The following KCNT2 variants were observed in gnomAD, a reference collection of about 807,000 sequenced individuals.
KCNT2 encodes the protein potassium channel subfamily T member 2.
In KCNT2, 67 loss-of-function variants were observed where a neutral mutation model predicts 153.8. The observed-to-expected ratio is 0.44, with a 90% CI of 0.36 to 0.53. The LOEUF (loss-of-function observed/expected upper bound fraction) is 0.53. Among genes scored for constraint, KCNT2 ranks in the 20% least tolerant of loss-of-function variants. The probability of loss-of-function intolerance (pLI) is 0.00; values close to 1 mark genes in which losing one functional copy is unlikely to be tolerated. For synonymous variants in KCNT2, 500 were observed against 458.8 expected (o/e 1.09, Z -1.15); for missense variants, 975 against 1,354.8 (o/e 0.72, Z 4.40).
At chr1:196,358,573 CTT>C (rs1333374074) in intron 14 of KCNT2, among the ~76,000 whole-genome samples, 1 of 151,790 alleles carries the variant, frequency 6.6e-6, no homozygotes, top group Non-Finnish European at 1.5e-5. Context: ...TACTACTCTA[CTT>C]TTCAAATACA....
chr1:196,448,401 C>A (rs913163002), intron 8 of KCNT2, among the ~76,000 whole-genome samples: 6 of 151,344 alleles, frequency 4.0e-5, no homozygotes, highest in Admixed American at 6.6e-5. Flanking sequence ...ATTATTTTGC[C>A]TACATAATGA....
intron 26 of KCNT2, 35 bp from the exon 27 acceptor site, chr1:196,236,105 G>T: frequency 1.7e-6 from 2 of 1,147,282 alleles, no homozygotes; most frequent in Non-Finnish European, 2.6e-6. Context: ...TTGTTATACT[G>T]CTTATAGAAA....
chr1:196,606,600 C>T (rs888626061), intron 1 of KCNT2, among the ~76,000 whole-genome samples: 1 of 152,144 alleles, frequency 6.6e-6, no homozygotes, highest in Admixed American at 6.5e-5. Flanking sequence ...AATATTTCTG[C>T]AGCATCCTTA....
chr1:196,494,526 G>T (rs1240912683), intron 1 of KCNT2, among the ~76,000 whole-genome samples: 1 of 151,988 alleles, frequency 6.6e-6, no homozygotes, highest in Non-Finnish European at 1.5e-5. Flanking sequence ...AGCCTCTCCA[G>T]TAGCCGGGAC....
In KCNT2 at chr1:196,279,668, T is replaced by C. The variant is rs543309175; in HGVS notation, c.2910+1192A>G. 1.3e-5 allele frequency among the ~76,000 whole-genome samples: 2 copies of C among 151,924 alleles called. 1 individual carries two copies. Among genetic ancestry groups the C allele is most frequent in the South Asian group, 4.2e-4 (2 of 4,780 alleles). ...TGATCTTGAACTCCTGACCTTGTGATCTACCTGCCTAGGCCTCCCAAAGTG... is the reference window on the plus strand; with the variant it reads ...TGATCTTGAACTCCTGACCTTGTGACCTACCTGCCTAGGCCTCCCAAAGTG... On this transcript the variant is annotated intron_variant, in intron 25 of 27. Transcript: ENST00000294725.
At chr1:196,391,894 T>C (rs1189658831) in intron 13 of KCNT2, among the ~76,000 whole-genome samples, 1 of 151,292 alleles carries the variant, frequency 6.6e-6, no homozygotes, top group Non-Finnish European at 1.5e-5. Flanking sequence ...ATAAAAAACA[T>C]AAATGTGGTA....
At position 196,522,556 on chromosome 1, in the gene KCNT2, A is replaced by C. The variant is rs550483810; in HGVS notation, c.96-30215T>G. Among the ~76,000 whole-genome samples, 21 of 152,332 alleles carry C rather than the reference A, an allele frequency of 1.4e-4. No homozygotes were observed. The South Asian group carries it at 4.3e-3, about 32-fold the overall frequency. On this transcript the variant is annotated intron_variant, in intron 1 of 27. Coordinates refer to ENST00000294725, the MANE Select transcript of KCNT2 (RefSeq NM_198503.5). ...CATACTCCTTAGTTTGCAATTGAGA[A>C]AAATAAGCTACTCATACTAGTGAGA...
In KCNT2 at chr1:196,478,664, T is replaced by C. The variant is rs568161577; in HGVS notation, c.384+515A>G. Among the ~76,000 whole-genome samples the C allele has an allele frequency of 2.0e-5, 3 of 152,280 alleles. No individual in the cohort carries two copies. In the East Asian group the frequency reaches 5.8e-4, roughly 29 times the overall value. ...TACCCATTATATGCTGCTTGTATTATTATTATCTGTATGATGCTCTGCTGT... is the reference window on the plus strand; with the variant it reads ...TACCCATTATATGCTGCTTGTATTACTATTATCTGTATGATGCTCTGCTGT... On this transcript the variant is annotated intron_variant, in intron 5 of 27. Transcript: ENST00000294725.
intron 1 of KCNT2, among the ~76,000 whole-genome samples, chr1:196,562,633 C>A (rs1200963374): frequency 6.6e-6 from 1 of 150,758 alleles, no homozygotes; most frequent in Non-Finnish European, 1.5e-5. Context: ...GGGAAAAAAA[C>A]AAAAATAATA....
chr1:196,513,407 C>A (rs940673952), intron 1 of KCNT2, among the ~76,000 whole-genome samples: 8 of 152,168 alleles, frequency 5.3e-5, no homozygotes, highest in Non-Finnish European at 7.4e-5. Flanking sequence ...TCCCAAATAA[C>A]CTTGCTCCAA....
intron 5 of KCNT2, among the ~76,000 whole-genome samples, chr1:196,470,982 G>A (rs1678052359): frequency 6.7e-6 from 1 of 148,492 alleles, no homozygotes; most frequent in African/African-American, 2.5e-5. Context: ...CTGGGTTCAT[G>A]CCATTCTCCT....
intron 1 of KCNT2, among the ~76,000 whole-genome samples, chr1:196,517,942 G>A (rs1380224973): frequency 6.6e-6 from 1 of 152,046 alleles, no homozygotes; most frequent in Non-Finnish European, 1.5e-5. Context: ...AACACAAGCA[G>A]ATTATCCCTA....
chr1:196,488,054 T>G (rs990839894), intron 3 of KCNT2, among the ~76,000 whole-genome samples: 15 of 152,014 alleles, frequency 9.9e-5, no homozygotes, highest in African/African-American at 3.6e-4. Flanking sequence ...ACACATTATC[T>G]GTACATCACA....
chr1:196,425,360 C>A (rs538947904), intron 11 of KCNT2, among the ~76,000 whole-genome samples: 65 of 152,064 alleles, frequency 4.3e-4, no homozygotes, highest in African/African-American at 1.5e-3. Context: ...TCCATGGCAA[C>A]CATTTTTTCT....
At chr1:196,599,056 C>T (rs1403469660) in intron 1 of KCNT2, among the ~76,000 whole-genome samples, 5 of 152,228 alleles carry the variant, frequency 3.3e-5, no homozygotes, top group Non-Finnish European at 7.3e-5. Context: ...GTAATCACCA[C>T]ATGGTGTGGC....
At chr1:196,347,158 C>T (rs535547336) in intron 14 of KCNT2, among the ~76,000 whole-genome samples, 1 of 152,170 alleles carries the variant, frequency 6.6e-6, no homozygotes, top group Admixed American at 6.6e-5. Flanking sequence ...TATTTCCATT[C>T]TTGAGGCTAC....
At chr1:196,451,919 T>C (rs184359277) in intron 8 of KCNT2, among the ~76,000 whole-genome samples, 4 of 151,972 alleles carry the variant, frequency 2.6e-5, no homozygotes, top group African/African-American at 9.7e-5. Context: ...TATTACACTT[T>C]TCCTAGCTTT....
chr1:196,388,333 G>T (rs910020044), intron 13 of KCNT2, among the ~76,000 whole-genome samples: 4 of 151,526 alleles, frequency 2.6e-5, no homozygotes, highest in Non-Finnish European at 4.4e-5. Context: ...CACAACAGAG[G>T]TACTACGGAT....
At chr1:196,369,129 T>C (rs919707295) in intron 14 of KCNT2, among the ~76,000 whole-genome samples, 8 of 152,106 alleles carry the variant, frequency 5.3e-5, no homozygotes, top group African/African-American at 1.2e-4. Flanking sequence ...TAATTAAGTA[T>C]TGTGAAAACA....
Sources: gnomAD v4.1 joint callset for allele counts (sites outside exome capture counted in the v4.1 genomes callset) on GRCh38, gnomAD v4.1.1 for gene constraint, MANE v1.5 for transcripts, NCBI Gene and HGNC (gene_info 2026-07-23, HGNC 2026-07-21) for gene names.